Variants in ARHGAP42 observed in about 807,000 individuals in gnomAD.
ARHGAP42 encodes the protein rho GTPase-activating protein 42.
In ARHGAP42, 63 loss-of-function variants were observed where a neutral mutation model predicts 125.0. That is an observed-to-expected ratio of 0.50 (90% CI 0.41 to 0.62). The LOEUF (loss-of-function observed/expected upper bound fraction) is 0.62. Ranked by LOEUF, ARHGAP42 falls within the 20% of genes least tolerant of loss-of-function variation. The pLI, the probability that ARHGAP42 is intolerant of heterozygous loss-of-function variation, is 0.00. For synonymous variants in ARHGAP42, 339 were observed against 351.0 expected, an observed-to-expected ratio of 0.97 and a Z score of 0.38; for missense variants, 766 against 1,024.2, an observed-to-expected ratio of 0.75 and a Z score of 3.44.
At chr11:100,820,968 G>C (rs1268103751) in intron 3 of ARHGAP42, among the ~76,000 whole-genome samples, 1 of 139,510 alleles carries the variant, frequency 7.2e-6, no homozygotes, top group Non-Finnish European at 1.6e-5. Context: ...TTGTTTGTTT[G>C]TTTTTGTTTT....
intron 1 of ARHGAP42, among the ~76,000 whole-genome samples, chr11:100,744,634 G>A (rs1227898604): frequency 6.6e-6 from 1 of 151,492 alleles, no homozygotes; most frequent in African/African-American, 2.4e-5. Context: ...ACAGTTTATT[G>A]TAGCCTAATT....
At chr11:100,798,425 G>A (rs1863771352) in intron 3 of ARHGAP42, among the ~76,000 whole-genome samples, 1 of 152,184 alleles carries the variant, frequency 6.6e-6, no homozygotes, top group South Asian at 2.1e-4. Context: ...ACCCTGATCA[G>A]TTAACAGTCA....
intron 22 of ARHGAP42, among the ~76,000 whole-genome samples, chr11:100,986,811 A>G (rs1338793108): frequency 1.3e-5 from 2 of 151,846 alleles, no homozygotes; most frequent in East Asian, 1.9e-4. Context: ...TTTTTGGATC[A>G]TATCTCATAT....
chr11:100,907,778 A>C (rs1232749688), intron 4 of ARHGAP42, among the ~76,000 whole-genome samples: 1 of 152,024 alleles, frequency 6.6e-6, no homozygotes, highest in Non-Finnish European at 1.5e-5. Flanking sequence ...GAGGAAGAAG[A>C]AGTCTAATTA....
At chr11:100,903,153 A>ACACACACC (rs1200735885) in intron 4 of ARHGAP42, among the ~76,000 whole-genome samples, 3 of 151,716 alleles carry the variant, frequency 2.0e-5, no homozygotes, top group Admixed American at 6.6e-5. Flanking sequence ...ACACACACAC[A>ACACACACC]CACCAAGCTT....
At chr11:100,833,890 A>G (rs548428515) in intron 3 of ARHGAP42, among the ~76,000 whole-genome samples, 1 of 152,344 alleles carries the variant, frequency 6.6e-6, no homozygotes, top group South Asian at 2.1e-4. Context: ...TTTTAAAACT[A>G]GGTAGGTAGA....
intron 8 of ARHGAP42, among the ~76,000 whole-genome samples, chr11:100,938,678 C>T (rs940515383): frequency 1.3e-5 from 2 of 152,090 alleles, no homozygotes; most frequent in Admixed American, 1.3e-4. Flanking sequence ...TCTGTTCCCA[C>T]CTATCATCTT....
intron 1 of ARHGAP42, among the ~76,000 whole-genome samples, chr11:100,757,497 T>C (rs1050601213): frequency 7.2e-5 from 11 of 152,238 alleles, no homozygotes; most frequent in Non-Finnish European, 1.6e-4. Flanking sequence ...AGTAAGTCAA[T>C]CTATTAAAAG....
chr11:100,878,385 C>G (rs1038799754), intron 4 of ARHGAP42, among the ~76,000 whole-genome samples: 1 of 152,110 alleles, frequency 6.6e-6, no homozygotes, highest in Non-Finnish European at 1.5e-5. Flanking sequence ...CTGGTCCTCT[C>G]TGCCGAGTCA....
chr11:100,699,775 G>A (rs1444367025), intron 1 of ARHGAP42, among the ~76,000 whole-genome samples: 2 of 151,640 alleles, frequency 1.3e-5, no homozygotes, highest in Non-Finnish European at 2.9e-5. Context: ...CACCCGCCTC[G>A]GACTCCCAAA....
chr11:100,881,004 A>G (rs553915693), intron 4 of ARHGAP42, among the ~76,000 whole-genome samples: 1 of 151,858 alleles, frequency 6.6e-6, no homozygotes, highest in South Asian at 2.1e-4. Context: ...TCCTTTGTAT[A>G]GATTGTGAAG....
intron 4 of ARHGAP42, among the ~76,000 whole-genome samples, chr11:100,890,336 T>C (rs1866188107): frequency 6.6e-6 from 1 of 152,226 alleles, no homozygotes; most frequent in African/African-American, 2.4e-5. Flanking sequence ...TTTCCTTTCA[T>C]GGTTTCATTG....
At chr11:100,948,048 A>G (rs1179035644) in intron 10 of ARHGAP42, among the ~76,000 whole-genome samples, 2 of 152,020 alleles carry the variant, frequency 1.3e-5, no homozygotes, top group Non-Finnish European at 2.9e-5. Flanking sequence ...ATTGTTCCAT[A>G]TTAATTGTAA....
At chr11:100,979,189 A>G in intron 22 of ARHGAP42, 140 bp downstream of exon 22, 1 of 758,922 alleles carries the variant, frequency 1.3e-6, no homozygotes, top group South Asian at 1.7e-5. Flanking sequence ...CTTCACAGGA[A>G]GTCATGTCTG....
chr11:100,761,042 G>A (rs1336732190), intron 1 of ARHGAP42, among the ~76,000 whole-genome samples: 1 of 152,060 alleles, frequency 6.6e-6, no homozygotes, highest in East Asian at 1.9e-4. Flanking sequence ...AGGAAGCCCA[G>A]GCAAAGCAGG....
intron 2 of ARHGAP42, among the ~76,000 whole-genome samples, chr11:100,776,495 A>T (rs1244158170): frequency 2.6e-5 from 4 of 152,214 alleles, no homozygotes; most frequent in Non-Finnish European, 5.9e-5. Flanking sequence ...ATACACTACC[A>T]TTTGTCAACT....
intron 3 of ARHGAP42, among the ~76,000 whole-genome samples, chr11:100,839,225 G>A (rs186665426): frequency 5.4e-4 from 82 of 152,296 alleles, no homozygotes; most frequent in African/African-American, 1.8e-3. Flanking sequence ...AGATATAGCA[G>A]TATCTGCAAA....
At chr11:100,915,739 T>C (rs1293944211) in intron 5 of ARHGAP42, among the ~76,000 whole-genome samples, 3 of 152,080 alleles carry the variant, frequency 2.0e-5, no homozygotes, top group Non-Finnish European at 4.4e-5. Context: ...ACTCCACAAG[T>C]ACACACACAC....
chr11:100,899,726 TTTTTTTTG>T lies in ARHGAP42; in HGVS notation c.385-13718_385-13711del, dbSNP rs1239284121. ...TTTTGTTTTGTTTTGTGTTTTGTTT[TTTTTTTTG>T]TTTTTTTTTGCTCTCTATTTGCTTT... On this transcript the variant is annotated intron_variant, in intron 4 of 23. Transcript: ENST00000298815. Among the ~76,000 whole-genome samples, 162 of 88,836 alleles carry T rather than the reference TTTTTTTTG, an allele frequency of 1.8e-3. 1 individual carries two copies. Among genetic ancestry groups the T allele is most frequent in the African/African-American group, 8.5e-3 (144 of 16,844 alleles). The allele number at this position is 88,836 out of a possible 152,430, so 58.3% of individuals were successfully genotyped here.
Sources: gnomAD v4.1 joint callset for allele counts (sites outside exome capture counted in the v4.1 genomes callset) on GRCh38, gnomAD v4.1.1 for gene constraint, MANE v1.5 for transcripts, NCBI Gene and HGNC (gene_info 2026-07-23, HGNC 2026-07-21) for gene names.